Variants in ZBTB43 observed in about 807,000 individuals in gnomAD.
The protein encoded by ZBTB43 is zinc finger and BTB domain-containing protein 43.
ZBTB43 carries 6 observed loss-of-function variants against 31.1 expected under a neutral mutation model. The ratio of observed to expected loss-of-function variants is 0.19; its 90% CI spans 0.11 to 0.38. The LOEUF is 0.38. Among genes scored for constraint, ZBTB43 ranks in the 10% least tolerant of loss-of-function variants. The probability of loss-of-function intolerance (pLI) is 1.00; values close to 1 mark genes in which losing one functional copy is unlikely to be tolerated. For synonymous variants in ZBTB43, 212 were observed against 221.7 expected, an observed-to-expected ratio of 0.96 and a Z score of 0.39; for missense variants, 379 against 602.1, an observed-to-expected ratio of 0.63 and a Z score of 3.88.
At chr9:126,804,929 A>C (rs533595338), upstream of ZBTB43, 1 of 152,428 alleles carries the variant, frequency 6.6e-6, no homozygotes, top group Non-Finnish European at 1.5e-5. Flanking sequence ...CCCAGCTCAG[A>C]CGGTAAGTCC....
chr9:126,833,213 C>G lies in ZBTB43; in HGVS notation c.704C>G (p.Pro235Arg). Reference sequence around the variant, plus strand: ...TACACCCGGCCCATGTACAGCAAGCCCAGCATCATGGCTCACAAACGCTGG... The same window carrying G: ...TACACCCGGCCCATGTACAGCAAGCGCAGCATCATGGCTCACAAACGCTGG... ...FHYTRPMYSKPSIMAHKRWIH... is the reference protein window; with the variant it reads ...FHYTRPMYSKRSIMAHKRWIH... The change falls in exon 3 of 3, where the codon CCC becomes CGC. Residue 235 changes from proline (P) to arginine (R), a missense_variant. By Grantham distance (103) the Pro-to-Arg change is moderately radical. Around this residue, in one of 5 missense-constraint regions of ZBTB43, gnomAD observed 253 missense variants for 322.3 expected, o/e 0.79. Coordinates refer to ENST00000373464, the MANE Select transcript of ZBTB43 (RefSeq NM_014007.4). The surrounding 1 kb of genome is among the most constrained non-coding windows in gnomAD (Gnocchi z 7.9). 2 of 1,613,686 alleles carry G rather than the reference C, an allele frequency of 1.2e-6. No homozygotes were observed. The highest frequency in any genetic ancestry group is 1.7e-6 in the Non-Finnish European group (2 of 1,180,032).
In ZBTB43 at chr9:126,836,081, C is replaced by T. The variant is rs2119178472; in HGVS notation, c.*2168C>T. The T allele has an allele frequency of 6.0e-6, 1 of 167,172 alleles. No homozygotes were observed. The highest frequency in any genetic ancestry group is 1.5e-5 in the Non-Finnish European group (1 of 68,120). The allele number at this position is 167,172 out of a possible 1,614,324, so 10.4% of individuals were successfully genotyped here. On this transcript the variant is annotated 3_prime_UTR_variant, in exon 3 of 3. Coordinates refer to ENST00000373464, the MANE Select transcript of ZBTB43 (RefSeq NM_014007.4). ...CTGCCTGTTTGGAAGGTTTGATGTC[C>T]TGTTTCTCATTGAAGACTATTTACA... is the stretch of plus-strand genomic sequence containing the variant.
rs980222050 is a variant in ZBTB43, at chr9:126,836,570, T to A, written c.*2657T>A. ...TTGTAAACTCTGGTTTTTACCTTTT[T>A]TTCATCCCCACGTTGAGTTGGAGGA... On this transcript the variant is annotated 3_prime_UTR_variant, in exon 3 of 3. Transcript: ENST00000373464. The A allele has an allele frequency of 3.0e-5, 5 of 167,066 alleles. No homozygotes were observed. The highest frequency in any genetic ancestry group is 5.9e-5 in the Non-Finnish European group (4 of 68,112). 10.3% of individuals were successfully genotyped at this position (167,066 alleles called of 1,614,324 possible). A position where few individuals can be genotyped will look rare whatever the true frequency, so the allele number is the denominator to read the frequency against.
chr9:126,811,458 T>A (rs1270623268), intron 2 of ZBTB43, among the ~76,000 whole-genome samples: 1 of 152,218 alleles, frequency 6.6e-6, no homozygotes, highest in Non-Finnish European at 1.5e-5. Context: ...GTGCTTTGCA[T>A]AGACTTTGTA....
intron 2 of ZBTB43, among the ~76,000 whole-genome samples, chr9:126,822,522 T>G (rs1400006194): frequency 3.9e-5 from 6 of 152,102 alleles, no homozygotes; most frequent in Admixed American, 3.3e-4. Flanking sequence ...GCAGGCGGAT[T>G]GCTTGAGCCC....
chr9:126,809,720 A>G (rs1016667128), intron 2 of ZBTB43, among the ~76,000 whole-genome samples: 18 of 152,368 alleles, frequency 1.2e-4, no homozygotes, highest in Admixed American at 1.0e-3. Context: ...CGTTAAAAAA[A>G]GCCAAATAGC....
intron 2 of ZBTB43, among the ~76,000 whole-genome samples, chr9:126,822,135 C>T (rs2032526309): frequency 1.3e-5 from 2 of 151,190 alleles, no homozygotes; most frequent in Non-Finnish European, 2.9e-5. Context: ...GGATTACAGG[C>T]ATGAGCCACC....
chr9:126,804,375 G>A (rs2032076555), upstream of ZBTB43, among the ~76,000 whole-genome samples: 1 of 152,202 alleles, frequency 6.6e-6, no homozygotes, highest in Admixed American at 6.5e-5. Flanking sequence ...TGGGTGCTGT[G>A]AAGGCAGAAA....
At position 126,833,442 on chromosome 9, in the gene ZBTB43, T is replaced by C. The variant is rs770573196; in HGVS notation, c.933T>C (p.Tyr311=). The change falls in exon 3 of 3, where the codon TAT becomes TAC. Residue 311 remains tyrosine, a synonymous_variant. Transcript: ENST00000373464. This position sits in a 1 kb window ranked among gnomAD's most constrained non-coding sequence, Gnocchi z 7.9. ...EFDEQADESN[Y]DEQVDFYGSS... ...ATGAACAGGCTGATGAAAGCAATTA[T>C]GATGAGCAGGTGGATTTCTATGGCT... 3 of 1,614,148 alleles carry C rather than the reference T, an allele frequency of 1.9e-6. No homozygotes were observed. Among genetic ancestry groups the C allele is most frequent in the South Asian group, 1.1e-5 (1 of 91,072 alleles).
At chr9:126,822,612 A>C (rs893116726) in intron 2 of ZBTB43, among the ~76,000 whole-genome samples, 2 of 152,028 alleles carry the variant, frequency 1.3e-5, no homozygotes, top group Non-Finnish European at 1.5e-5. Context: ...ATGGTGATGC[A>C]TGCCTGTAGT....
At chr9:126,822,798 A>G (rs766948138) in intron 2 of ZBTB43, among the ~76,000 whole-genome samples, 3 of 152,076 alleles carry the variant, frequency 2.0e-5, no homozygotes, top group Non-Finnish European at 4.4e-5. Context: ...AGCAGTCACC[A>G]CCCTGATCAG....
In ZBTB43 at chr9:126,836,207, T is replaced by A. The variant is rs1254790032; in HGVS notation, c.*2294T>A. On this transcript the variant is annotated 3_prime_UTR_variant, in exon 3 of 3. Transcript: ENST00000373464. ...TCTGCTGAAATCAGCATAGTGCCCT[T>A]GTCATGAGGAAGAGTTTCTGTTCAG... is the stretch of plus-strand genomic sequence containing the variant. 1 of 167,074 alleles carries A rather than the reference T, an allele frequency of 6.0e-6. No individual in the cohort carries two copies. Among genetic ancestry groups the A allele is most frequent in the East Asian group, 1.9e-4 (1 of 5,202 alleles). 10.3% of individuals were successfully genotyped at this position (167,074 alleles called of 1,614,324 possible).
chr9:126,821,143 T>G (rs1588360053), intron 2 of ZBTB43, among the ~76,000 whole-genome samples: 1 of 151,826 alleles, frequency 6.6e-6, no homozygotes, highest in Admixed American at 6.6e-5. Context: ...CCAAGGTGGG[T>G]GAATCGCTTG....
intron 2 of ZBTB43, among the ~76,000 whole-genome samples, chr9:126,816,208 ATCT>A (rs1178349609): frequency 2.0e-5 from 3 of 152,178 alleles, no homozygotes; most frequent in South Asian, 2.1e-4. Context: ...CTGCTTTATC[ATCT>A]TCTCTCTCGC....
chr9:126,833,176 G>T lies in ZBTB43; in HGVS notation c.667G>T (p.Ala223Ser). ...QDGEEGASDS[A>S]EFHYTRPMYS... ...TGGGGAGGAGGGCGCCAGCGACAGC[G>T]CCGAGTTCCACTACACCCGGCCCAT... The change falls in exon 3 of 3, where the codon GCC becomes TCC. Residue 223 changes from alanine to serine, a missense_variant. Coordinates refer to ENST00000373464, the MANE Select transcript of ZBTB43 (RefSeq NM_014007.4). This position sits in a 1 kb window ranked among gnomAD's most constrained non-coding sequence, Gnocchi z 7.9. 1.2e-6 allele frequency: 2 copies of T among 1,613,776 alleles called. No homozygotes were observed. The highest frequency in any genetic ancestry group is 1.7e-6 in the Non-Finnish European group (2 of 1,180,032).
chr9:126,828,771 C>CA (rs972392744), intron 2 of ZBTB43, among the ~76,000 whole-genome samples: 3 of 150,860 alleles, frequency 2.0e-5, no homozygotes, highest in African/African-American at 4.9e-5. Flanking sequence ...TTCATCTTGG[C>CA]AAAAAAATCT....
intron 2 of ZBTB43, among the ~76,000 whole-genome samples, chr9:126,816,643 A>C (rs977941960): frequency 1.3e-5 from 2 of 152,202 alleles, no homozygotes; most frequent in Non-Finnish European, 2.9e-5. Context: ...ATATTGTTAG[A>C]ATCAGCTCTT....
In ZBTB43 at chr9:126,817,012, T is replaced by C. The variant is rs191749512; in HGVS notation, c.-24+8097T>C. Among the ~76,000 whole-genome samples the C allele has an allele frequency of 1.9e-4, 29 of 151,510 alleles. No homozygotes were observed. In the East Asian group the frequency reaches 2.3e-3, roughly 12 times the overall value. On this transcript the variant is annotated intron_variant, in intron 2 of 2. Transcript: ENST00000373464. ...GCTCTGGGACTCCCAAGTGAAAGAG[T>C]GTTACTGATCCCGTCAGAATTGCCT...
At position 126,838,124 on chromosome 9, in the gene ZBTB43, T is replaced by C. The variant is rs757123193; in HGVS notation, c.*4211T>C. Reference sequence around the variant, plus strand: ...AGCATGGTTTTACTTAATTGAATGTTAATGTTTAATATTTTCTTCTTATAG... The same window carrying C: ...AGCATGGTTTTACTTAATTGAATGTCAATGTTTAATATTTTCTTCTTATAG... On this transcript the variant is annotated 3_prime_UTR_variant, in exon 3 of 3. Coordinates refer to ENST00000373464, the MANE Select transcript of ZBTB43 (RefSeq NM_014007.4). 6.0e-6 allele frequency: 1 copy of C among 166,584 alleles called. No individual in the cohort carries two copies. The highest frequency in any genetic ancestry group is 1.5e-5 in the Non-Finnish European group (1 of 68,122). 10.3% of individuals were successfully genotyped at this position (166,584 alleles called of 1,614,324 possible).
Sources: allele counts gnomAD v4.1 joint callset (sites outside exome capture counted in the v4.1 genomes callset), GRCh38; gene constraint gnomAD v4.1.1; regional missense constraint gnomAD v4.1.1; non-coding constraint Gnocchi (gnomAD v3.1); transcripts MANE v1.5; gene names NCBI Gene and HGNC (gene_info 2026-07-23, HGNC 2026-07-21).